The following CAMK1D variants were observed in gnomAD, a reference collection of about 807,000 sequenced individuals.
CAMK1D encodes calcium/calmodulin-dependent protein kinase type 1D.
Under a neutral mutation model 47.7 loss-of-function variants are expected in CAMK1D, and 9 were observed. The observed-to-expected ratio is 0.19, with a 90% CI of 0.11 to 0.33. The LOEUF (loss-of-function observed/expected upper bound fraction) is 0.33. CAMK1D is among the 10% of genes least tolerant of loss of function. CAMK1D has a pLI of 1.00. For synonymous variants in CAMK1D, 184 were observed against 184.9 expected (o/e 0.99, Z 0.04); for missense variants, 291 against 488.7 (o/e 0.60, Z 3.81).
intron 1 of CAMK1D, among the ~76,000 whole-genome samples, chr10:12,406,301 G>A (rs1406076218): frequency 6.6e-6 from 1 of 152,064 alleles, no homozygotes; most frequent in Non-Finnish European, 1.5e-5. Flanking sequence ...CCGTCATGTC[G>A]CGCCAAACAC....
chr10:12,530,276 TAGGC>T (rs922223360), intron 1 of CAMK1D, among the ~76,000 whole-genome samples: 34 of 152,304 alleles, frequency 2.2e-4, no homozygotes, highest in African/African-American at 7.5e-4. Context: ...TGGGGGGCCC[TAGGC>T]AGGCTGAACT....
At chr10:12,705,796 G>T (rs75253780) in intron 3 of CAMK1D, among the ~76,000 whole-genome samples, 2,203 of 152,286 alleles carry the variant, frequency 0.014, 42 homozygotes, top group African/African-American at 0.05. Context: ...AGTCTAAGAG[G>T]AGCAATATCT....
intron 1 of CAMK1D, among the ~76,000 whole-genome samples, chr10:12,493,682 TGGG>T (rs1245491323): frequency 6.6e-6 from 1 of 152,042 alleles, no homozygotes; most frequent in African/African-American, 2.4e-5. Flanking sequence ...TTAGTAGGGA[TGGG>T]GTTTCACTAT....
At chr10:12,801,310 T>C (rs1416952774) in intron 6 of CAMK1D, among the ~76,000 whole-genome samples, 1 of 105,964 alleles carries the variant, frequency 9.4e-6, no homozygotes, top group African/African-American at 4.2e-5. Flanking sequence ...TCTATCTATC[T>C]ATCTATCTAT....
At chr10:12,821,752 A>G (rs960670849) in intron 8 of CAMK1D, among the ~76,000 whole-genome samples, 16 of 152,218 alleles carry the variant, frequency 1.1e-4, no homozygotes, top group African/African-American at 3.9e-4. Flanking sequence ...AGGCAGGCTG[A>G]TCGCTGGAGG....
At chr10:12,435,233 A>C (rs1832595347) in intron 1 of CAMK1D, among the ~76,000 whole-genome samples, 1 of 151,180 alleles carries the variant, frequency 6.6e-6, no homozygotes, top group Non-Finnish European at 1.5e-5. Context: ...AAAAAAAAAA[A>C]AAAAAAAAAA....
chr10:12,700,666 G>A (rs961372358), intron 3 of CAMK1D, among the ~76,000 whole-genome samples: 1 of 152,160 alleles, frequency 6.6e-6, no homozygotes, highest in Non-Finnish European at 1.5e-5. Flanking sequence ...GCACGAAATA[G>A]CCCAGAGAAA....
At chr10:12,704,789 C>T (rs1294329936) in intron 3 of CAMK1D, among the ~76,000 whole-genome samples, 2 of 152,142 alleles carry the variant, frequency 1.3e-5, no homozygotes, top group African/African-American at 4.8e-5. Context: ...TACTGCATCT[C>T]CCATGGAAAG....
At chr10:12,531,582 T>A (rs1835806645) in intron 1 of CAMK1D, among the ~76,000 whole-genome samples, 1 of 152,230 alleles carries the variant, frequency 6.6e-6, no homozygotes, top group Admixed American at 6.5e-5. Context: ...CAGGGAATCA[T>A]CACAGTGGAA....
intron 1 of CAMK1D, among the ~76,000 whole-genome samples, chr10:12,544,753 A>T (rs1836305374): frequency 6.6e-6 from 1 of 151,998 alleles, no homozygotes; most frequent in Non-Finnish European, 1.5e-5. Context: ...ACTAGTATTG[A>T]GTGGATGGTA....
At chr10:12,497,918 TGGGGA>T (rs1288502397) in intron 1 of CAMK1D, among the ~76,000 whole-genome samples, 1 of 152,154 alleles carries the variant, frequency 6.6e-6, no homozygotes, top group East Asian at 1.9e-4. Context: ...TCCACATAGC[TGGGGA>T]GGCCTCACAG....
At chr10:12,392,731 A>T (rs149830034) in intron 1 of CAMK1D, among the ~76,000 whole-genome samples, 11 of 152,274 alleles carry the variant, frequency 7.2e-5, no homozygotes, top group African/African-American at 2.6e-4. Flanking sequence ...ACTATGTTGT[A>T]CAATAGATCT....
chr10:12,697,420 A>T (rs1833340001), intron 3 of CAMK1D, among the ~76,000 whole-genome samples: 1 of 152,132 alleles, frequency 6.6e-6, no homozygotes, highest in South Asian at 2.1e-4. Context: ...TCCTTTGGTG[A>T]TGGAGTCTCG....
chr10:12,747,821 C>T (rs1287441224), intron 3 of CAMK1D, among the ~76,000 whole-genome samples: 1 of 152,134 alleles, frequency 6.6e-6, no homozygotes, highest in Non-Finnish European at 1.5e-5. Flanking sequence ...GCCAATGTCC[C>T]AGCTTTAAAG....
intron 1 of CAMK1D, among the ~76,000 whole-genome samples, chr10:12,525,494 T>C (rs1006340649): frequency 1.3e-5 from 2 of 152,222 alleles, no homozygotes; most frequent in African/African-American, 4.8e-5. Flanking sequence ...ATCTACGTTT[T>C]GTTATTTTTA....
intron 2 of CAMK1D, among the ~76,000 whole-genome samples, chr10:12,662,497 A>G (rs1840301750): frequency 6.6e-6 from 1 of 152,138 alleles, no homozygotes; most frequent in Admixed American, 6.5e-5. Context: ...CTAAAAATAC[A>G]AAAAATCAGC....
chr10:12,573,580 A>G (rs1837393145), intron 2 of CAMK1D, among the ~76,000 whole-genome samples: 1 of 152,058 alleles, frequency 6.6e-6, no homozygotes, highest in Non-Finnish European at 1.5e-5. Context: ...AGACTGTGAC[A>G]ATTTCAGGAT....
Position 12,734,373 on chromosome 10 carries a change from TATATAG to T in CAMK1D, c.300-26557_300-26552del, listed in dbSNP as rs1405230222. Among the ~76,000 whole-genome samples, 21 of 13,506 alleles carry T rather than the reference TATATAG, an allele frequency of 1.6e-3. No homozygotes were observed. The South Asian group carries it at 0.018, about 11-fold the overall frequency. The allele number at this position is 13,506 out of a possible 152,430, so 8.9% of individuals were successfully genotyped here. On this transcript the variant is annotated intron_variant, in intron 3 of 10. Coordinates refer to ENST00000619168, the MANE Select transcript of CAMK1D (RefSeq NM_153498.4). ...ATATATATATATATATATATATATA[TATATAG>T]ATATAGATATAGATATATATATATA...
At chr10:12,791,609 G>A (rs2131000226) in intron 6 of CAMK1D, among the ~76,000 whole-genome samples, 1 of 152,278 alleles carries the variant, frequency 6.6e-6, no homozygotes, top group Middle Eastern at 3.4e-3. Context: ...ATTTTACTTA[G>A]CAAAACATCT....
Sources: gnomAD v4.1 joint callset for allele counts (sites outside exome capture counted in the v4.1 genomes callset) on GRCh38, gnomAD v4.1.1 for gene constraint, MANE v1.5 for transcripts, NCBI Gene and HGNC (gene_info 2026-07-23, HGNC 2026-07-21) for gene names.